Variants in RIT2 observed in about 807,000 individuals in gnomAD.
RIT2 encodes GTP-binding protein Rit2.
Under a neutral mutation model 23.7 loss-of-function variants are expected in RIT2, and 24 were observed. The ratio of observed to expected loss-of-function variants is 1.01; its 90% confidence interval spans 0.73 to 1.43. The LOEUF is 1.43. RIT2 is among the 40% of genes most tolerant of loss of function. RIT2 has a pLI of 0.00. For synonymous variants in RIT2, 107 were observed against 91.1 expected (o/e 1.17, Z -0.99); for missense variants, 236 against 266.9 (o/e 0.88, Z 0.81).
intron 1 of RIT2, among the ~76,000 whole-genome samples, chr18:43,082,690 A>C (rs1913185392): frequency 6.6e-6 from 1 of 151,832 alleles, no homozygotes; most frequent in Admixed American, 6.6e-5. Flanking sequence ...TCTTCATGCA[A>C]AAAAAAACAC....
intron 4 of RIT2, among the ~76,000 whole-genome samples, chr18:42,822,420 C>A (rs748251083): frequency 6.6e-6 from 1 of 151,996 alleles, no homozygotes; most frequent in Non-Finnish European, 1.5e-5. Context: ...ATGTTGTTGG[C>A]GACGGTTGAT....
chr18:42,993,597 T>C (rs1464349241), intron 2 of RIT2, among the ~76,000 whole-genome samples: 2 of 152,008 alleles, frequency 1.3e-5, no homozygotes, highest in Non-Finnish European at 1.5e-5. Flanking sequence ...CTCTTTTAAG[T>C]ACTCCTTTTT....
Position 42,782,688 on chromosome 18 carries a change from G to A in RIT2, c.427-38968C>T, listed in dbSNP as rs531012357. ...GAATTCTGCAGGTCAGTGTTCATAA[G>A]GAGAATCATAGAAACTGAAAAGCAG... On this transcript the variant is annotated intron_variant, in intron 4 of 4. Transcript: ENST00000326695. Among the ~76,000 whole-genome samples, 185 of 152,226 alleles carry A rather than the reference G, an allele frequency of 1.2e-3. No individual in the cohort carries two copies. In the Middle Eastern group the frequency reaches 0.034, roughly 28 times the overall value.
chr18:42,795,618 C>T (rs1291265873), intron 4 of RIT2, among the ~76,000 whole-genome samples: 3 of 152,230 alleles, frequency 2.0e-5, no homozygotes, highest in Non-Finnish European at 4.4e-5. Context: ...GAACTGCGGG[C>T]GCGGCACGGG....
chr18:42,931,617 G>C (rs1016580939), intron 3 of RIT2, among the ~76,000 whole-genome samples: 1 of 152,064 alleles, frequency 6.6e-6, no homozygotes, highest in African/African-American at 2.4e-5. Flanking sequence ...CCGCCTCTGG[G>C]GGGTACAAAT....
At chr18:42,914,229 C>T (rs1348537926) in intron 4 of RIT2, among the ~76,000 whole-genome samples, 1 of 152,066 alleles carries the variant, frequency 6.6e-6, no homozygotes, top group Non-Finnish European at 1.5e-5. Context: ...CTGGAAAATA[C>T]TTCAGCATTT....
intron 1 of RIT2, among the ~76,000 whole-genome samples, chr18:43,041,223 G>A (rs1215430465): frequency 6.6e-6 from 1 of 152,164 alleles, no homozygotes; most frequent in Non-Finnish European, 1.5e-5. Context: ...TACAAAGAAA[G>A]TGAAGAGTGT....
intron 1 of RIT2, among the ~76,000 whole-genome samples, chr18:43,046,929 G>T (rs1396342057): frequency 1.3e-5 from 2 of 152,216 alleles, no homozygotes; most frequent in East Asian, 3.9e-4. Flanking sequence ...TCTTCAGGGT[G>T]CTCAGTAATT....
chr18:43,010,276 TAGA>T (rs1312986402), intron 2 of RIT2, among the ~76,000 whole-genome samples: 5 of 151,800 alleles, frequency 3.3e-5, no homozygotes, highest in African/African-American at 1.2e-4. Flanking sequence ...AGTCCTCTAA[TAGA>T]AAGGAATTAA....
chr18:42,833,312 G>T (rs1178297247), intron 4 of RIT2, among the ~76,000 whole-genome samples: 3 of 151,996 alleles, frequency 2.0e-5, no homozygotes, highest in Non-Finnish European at 4.4e-5. Context: ...CAAATTATAG[G>T]ATTTCATTTA....
intron 1 of RIT2, among the ~76,000 whole-genome samples, chr18:43,111,588 A>G (rs958000580): frequency 6.6e-6 from 1 of 152,186 alleles, no homozygotes; most frequent in African/African-American, 2.4e-5. Context: ...AAATATATAC[A>G]CCTACTATGT....
At chr18:43,070,222 T>C (rs970008966) in intron 1 of RIT2, among the ~76,000 whole-genome samples, 1 of 152,114 alleles carries the variant, frequency 6.6e-6, no homozygotes. Flanking sequence ...TATTGTCAAA[T>C]AGACAATATG....
At chr18:42,776,438 CTT>C (rs1264184801) in intron 4 of RIT2, among the ~76,000 whole-genome samples, 2 of 152,106 alleles carry the variant, frequency 1.3e-5, no homozygotes, top group Admixed American at 6.5e-5. Flanking sequence ...AATTTTTAAC[CTT>C]CACTGAGAAC....
intron 2 of RIT2, among the ~76,000 whole-genome samples, chr18:42,989,012 T>C (rs1279082656): frequency 6.6e-6 from 1 of 152,178 alleles, no homozygotes; most frequent in Non-Finnish European, 1.5e-5. Flanking sequence ...CCAAGCTTGC[T>C]GAATATGAAG....
chr18:42,875,330 C>CTTT (rs1176760577), intron 4 of RIT2, among the ~76,000 whole-genome samples: 1 of 137,770 alleles, frequency 7.3e-6, no homozygotes, highest in Non-Finnish European at 1.6e-5. Flanking sequence ...TTCTCTCTCT[C>CTTT]TTTTTTTTTT....
chr18:43,022,053 C>G (rs1911610100), intron 2 of RIT2, among the ~76,000 whole-genome samples: 1 of 151,950 alleles, frequency 6.6e-6, no homozygotes, highest in South Asian at 2.1e-4. Context: ...AAGAAATCAG[C>G]CTAAATGTCC....
chr18:42,807,791 A>ATGTGTGTGTG (rs10551770), intron 4 of RIT2, among the ~76,000 whole-genome samples: 169 of 147,590 alleles, frequency 1.1e-3, no homozygotes, highest in African/African-American at 3.6e-3. Context: ...CACAAAGTGA[A>ATGTGTGTGTG]TGTGTGTGTG....
chr18:43,037,024 C>T (rs1448232407), intron 1 of RIT2, among the ~76,000 whole-genome samples: 6 of 152,282 alleles, frequency 3.9e-5, no homozygotes, highest in Non-Finnish European at 8.8e-5. Context: ...TGCTAAAGAG[C>T]AACTTCATAA....
At chr18:43,053,795 T>C (rs963367135) in intron 1 of RIT2, among the ~76,000 whole-genome samples, 3 of 152,116 alleles carry the variant, frequency 2.0e-5, no homozygotes, top group Non-Finnish European at 4.4e-5. Context: ...GATGGAGCAT[T>C]GTTTTATGCT....
Sources: gnomAD v4.1 joint callset for allele counts (sites outside exome capture counted in the v4.1 genomes callset) on GRCh38, gnomAD v4.1.1 for gene constraint, MANE v1.5 for transcripts, NCBI Gene and HGNC (gene_info 2026-07-23, HGNC 2026-07-21) for gene names.